The following OFD1 variants were observed in gnomAD, a reference collection of about 807,000 sequenced individuals.
OFD1 encodes centriole and centriolar satellite protein OFD1.
A neutral mutation model predicts 81.4 loss-of-function variants in OFD1; 12 were observed. The ratio of observed to expected loss-of-function variants is 0.15; its 90% confidence interval spans 0.09 to 0.24. OFD1 has a LOEUF of 0.24. Among genes scored for constraint, OFD1 ranks in the 10% least tolerant of loss-of-function variants. The pLI, the probability that OFD1 is intolerant of heterozygous loss-of-function variation, is 1.00. For synonymous variants in OFD1, 256 were observed against 263.7 expected (o/e 0.97, Z 0.28); for missense variants, 685 against 733.9 (o/e 0.93, Z 0.77).
intron 21 of OFD1, 46 bp from the exon 22 acceptor site, chrX:13,768,672 A>C: frequency 1.6e-5 from 15 of 910,929 alleles, no homozygotes; most frequent in Non-Finnish European, 2.1e-5. Context: ...TCATGAAATT[A>C]ATGCATATCT....
At chrX:13,762,824 A>G (rs2047987050) in intron 18 of OFD1, among the ~76,000 whole-genome samples, 1 of 111,530 alleles carries the variant, frequency 9.0e-6, no homozygotes, top group Non-Finnish European at 1.9e-5. Context: ...CAGTGGTCCG[A>G]TCTTGGCTCA....
chrX:13,758,482 A>G (rs750484518), intron 15 of OFD1, 34 bp downstream of exon 15: 2 of 802,983 alleles, frequency 2.5e-6, no homozygotes, highest in Admixed American at 2.3e-5. Context: ...ATATTTTTGT[A>G]TGTATAAAGC....
rs191310440 is a variant in OFD1, at chrX:13,746,748, G to C, written c.655-32G>C. ...TTCCTGTTTTTATAGTATAATAGTT[G>C]GTATTTTTAATTTTTTGTGATCAAT... On this transcript the variant is annotated intron_variant, in intron 7 of 22. Transcript: ENST00000340096. The C allele has an allele frequency of 2.5e-4, 276 of 1,089,166 alleles. 1 individual carries two copies. In the African/African-American group the frequency reaches 4.7e-3, roughly 19 times the overall value. The allele number at this position is 1,089,166 out of a possible 1,213,427, so 89.8% of individuals were successfully genotyped here.
rs1391462480 is a variant in OFD1, at chrX:13,768,189, A to C, written c.2893A>C (p.Ile965Leu). The change falls in exon 21 of 23, where the codon ATC (isoleucine) becomes CTC (leucine). Residue 965 changes from isoleucine (I) to leucine (L), a missense_variant. Around this residue, in one of 3 missense-constraint regions of OFD1, gnomAD observed 259 missense variants for 254.4 expected, o/e 1.02. Coordinates refer to ENST00000340096, the MANE Select transcript of OFD1 (RefSeq NM_003611.3). ...ENPLEKYMKI[I>L]QQEQDQESAD... is the part of the protein sequence containing the mutation. ...TCCTTTAGAGAAATACATGAAAATC[A>C]TCCAGCAGGAGCAAGACCAGGAGTC... 17 of 1,211,449 alleles carry C rather than the reference A, an allele frequency of 1.4e-5. No individual in the cohort carries two copies. The highest frequency in any genetic ancestry group is 1.8e-5 in the Non-Finnish European group (16 of 894,953).
chrX:13,735,289 A>G lies in OFD1; in HGVS notation c.54A>G (p.Glu18=), dbSNP rs147114577. Residue 18 remains glutamate (E), a synonymous_variant, in exon 2 of 23, where the codon GAA becomes GAG. Coordinates refer to ENST00000340096, the MANE Select transcript of OFD1 (RefSeq NM_003611.3). ...FTVADVLSQD[E]LRKKLYQTFK... ...TGGCTGATGTGTTGAGTCAAGATGA[A>G]CTGCGCAAAAAGCTATACCAGACGT... 405 of 1,210,364 alleles carry G rather than the reference A, an allele frequency of 3.3e-4. 1 individual carries two copies. The highest frequency in any genetic ancestry group is 4.1e-4 in the Non-Finnish European group (369 of 895,139).
intron 20 of OFD1, 53 bp from the exon 21 acceptor site, chrX:13,768,000 TA>T (rs2048197758): frequency 8.9e-7 from 1 of 1,125,715 alleles, no homozygotes; most frequent in Non-Finnish European, 1.2e-6. Context: ...TTAAAACACT[TA>T]AAAGTTTTAC....
At chrX:13,764,183 C>T (rs941822967) in intron 19 of OFD1, among the ~76,000 whole-genome samples, 2 of 112,207 alleles carry the variant, frequency 1.8e-5, no homozygotes, top group East Asian at 5.6e-4. Context: ...GACTCTTCTG[C>T]AAAAACTGTT....
chrX:13,714,745 G>A, the OFD1 span, among the ~76,000 whole-genome samples: 1 of 111,899 alleles, frequency 8.9e-6, no homozygotes, highest in East Asian at 2.8e-4. Flanking sequence ...GATAAATGTT[G>A]CCTGTGTCAG....
chrX:13,751,463 C>A, intron 10 of OFD1, 95 bp downstream of exon 10: 1 of 666,335 alleles, frequency 1.5e-6, no homozygotes, highest in Non-Finnish European at 2.2e-6. Context: ...CTTAGGCAAA[C>A]TTTAGTGTTT....
chrX:13,722,675 G>C, the OFD1 span, among the ~76,000 whole-genome samples: 1 of 111,853 alleles, frequency 8.9e-6, no homozygotes, highest in East Asian at 2.8e-4. Context: ...ACACACGCTA[G>C]GATTCTGCGC....
downstream of OFD1, among the ~76,000 whole-genome samples, chrX:13,769,617 T>A (rs1418390776): frequency 9.7e-6 from 1 of 103,555 alleles, no homozygotes; most frequent in Non-Finnish European, 2.0e-5. Context: ...TATGTGTCCC[T>A]CCAAAATTCA....
chrX:13,746,704 G>C lies in OFD1; in HGVS notation c.655-76G>C, dbSNP rs771955030. On this transcript the variant is annotated intron_variant, in intron 7 of 22. Transcript: ENST00000340096. ...GGACAGAGCATTAATGTTAAACCTA[G>C]ATGTAGAGAGAGAACTTGTTCCTGT... The C allele has an allele frequency of 2.1e-5, 17 of 798,846 alleles. No individual in the cohort carries two copies. The Admixed American group carries it at 3.1e-4, about 15-fold the overall frequency. The allele number at this position is 798,846 out of a possible 1,213,427, so 65.8% of individuals were successfully genotyped here.
At chrX:13,735,488 ACT>A (rs1212513247) in intron 2 of OFD1, 142 bp downstream of exon 2, 28 of 522,704 alleles carry the variant, frequency 5.4e-5, no homozygotes, top group African/African-American at 4.6e-5. Flanking sequence ...TTCCCGAATA[ACT>A]CTGTATCCTG....
At chrX:13,747,220 C>T (rs2047330241) in intron 8 of OFD1, among the ~76,000 whole-genome samples, 1 of 112,076 alleles carries the variant, frequency 8.9e-6, no homozygotes, top group African/African-American at 3.2e-5. Context: ...TCCATCTCCT[C>T]AGGCAGATTA....
upstream of OFD1, chrX:13,734,298 G>C (rs1311134871): frequency 5.6e-6 from 2 of 356,947 alleles, no homozygotes; most frequent in Non-Finnish European, 9.8e-6. Flanking sequence ...AAGAAACCCT[G>C]GGTTAGCTGA....
intron 14 of OFD1, 147 bp downstream of exon 14, chrX:13,757,937 C>A: frequency 4.4e-6 from 3 of 688,182 alleles, no homozygotes; most frequent in Admixed American, 3.0e-5. Context: ...CCTTTCTCAT[C>A]TGAGAAAATT....
the OFD1 span, chrX:13,716,030 T>C: frequency 1.7e-6 from 2 of 1,193,197 alleles, no homozygotes; most frequent in Non-Finnish European, 2.3e-6. Flanking sequence ...TAAACATCAG[T>C]AAAGAAGTTC....
chrX:13,716,372 T>G, the OFD1 span: 1 of 655,753 alleles, frequency 1.5e-6, no homozygotes, highest in Non-Finnish European at 2.3e-6. Flanking sequence ...AACAAAATGT[T>G]TTTCCCCCCT....
chrX:13,726,678 C>T, the OFD1 span, among the ~76,000 whole-genome samples: 1 of 111,919 alleles, frequency 8.9e-6, no homozygotes, highest in African/African-American at 3.3e-5. Flanking sequence ...ACCATTGATG[C>T]TATGAAGAAA....
Sources: allele counts gnomAD v4.1 joint callset (sites outside exome capture counted in the v4.1 genomes callset), GRCh38; gene constraint gnomAD v4.1.1; regional missense constraint gnomAD v4.1.1; transcripts MANE v1.5; gene names NCBI Gene and HGNC (gene_info 2026-07-23, HGNC 2026-07-21).